Variants in MAML3 observed in about 807,000 individuals in gnomAD.
MAML3 encodes mastermind-like protein 3.
MAML3 carries 27 observed loss-of-function variants against 101.9 expected under a neutral mutation model. The ratio of observed to expected loss-of-function variants is 0.27; its 90% CI spans 0.20 to 0.37. The LOEUF (loss-of-function observed/expected upper bound fraction) is 0.37. Among genes scored for constraint, MAML3 ranks in the 10% least tolerant of loss-of-function variants. MAML3 has a pLI of 1.00. For missense variants in MAML3, 1,316 were observed against 1,444.9 expected (o/e 0.91, Z 1.45); for synonymous variants, 501 against 555.9 (o/e 0.90, Z 1.39).
At chr4:139,804,631 T>C (rs1730673616) in intron 2 of MAML3, among the ~76,000 whole-genome samples, 2 of 152,214 alleles carry the variant, frequency 1.3e-5, no homozygotes, top group Admixed American at 6.5e-5. Flanking sequence ...TAGTTGATTT[T>C]TAAGGTCTGC....
chr4:139,720,676 G>C (rs1000125134), intron 4 of MAML3, among the ~76,000 whole-genome samples: 2 of 152,212 alleles, frequency 1.3e-5, no homozygotes, highest in African/African-American at 4.8e-5. Context: ...AGATCCTGAT[G>C]TAATTCTTGT....
At chr4:139,828,712 C>CTTTT (rs996757226) in intron 2 of MAML3, among the ~76,000 whole-genome samples, 1 of 128,704 alleles carries the variant, frequency 7.8e-6, no homozygotes, top group South Asian at 2.5e-4. Context: ...AGATGCACTT[C>CTTTT]TTTTTTTTTT....
rs769896356 is a variant in MAML3, at chr4:139,890,075, G to A, written c.1361C>T (p.Pro454Leu). 2.5e-6 allele frequency: 4 copies of A among 1,612,002 alleles called. No homozygotes were observed. The highest frequency in any genetic ancestry group is 3.4e-6 in the Non-Finnish European group (4 of 1,178,956). The part of the protein sequence containing the change: ...AVTVAGSASG[P>L]VAVPSSDMSP... The stretch of plus-strand genomic sequence containing the variant: ...CATGTCAGAGCTGGGCACAGCCACA[G>A]GCCCTGACGCTGAACCGGCCACTGT... The change falls in exon 2 of 5, where the codon CCT becomes CTT. Residue 454 changes from proline to leucine, a missense_variant. By Grantham distance (98) the Pro-to-Leu change is moderately conservative. Coordinates refer to ENST00000509479, the MANE Select transcript of MAML3 (RefSeq NM_018717.5). This position sits in a 1 kb window ranked among gnomAD's most constrained non-coding sequence, Gnocchi z 4.1.
chr4:139,725,748 C>T lies in MAML3; in HGVS notation c.2416+3G>A, dbSNP rs369334983. The T allele has an allele frequency of 3.6e-5, 58 of 1,613,762 alleles. No homozygotes were observed. The highest frequency in any genetic ancestry group is 3.4e-6 in the Non-Finnish European group (4 of 1,179,818). ...AAAATGAGAGAGGTTGCACTGGCCT[C>T]ACCTTGAAACTGATTGACCTGCTGC... On this transcript the variant is annotated splice_donor_region_variant and intron_variant, in intron 4 of 4. Transcript: ENST00000509479.
intron 2 of MAML3, among the ~76,000 whole-genome samples, chr4:139,758,381 C>G (rs1187763934): frequency 6.6e-6 from 1 of 152,162 alleles, no homozygotes; most frequent in East Asian, 1.9e-4. Flanking sequence ...CTGAATATAT[C>G]TTTTAACTTT....
intron 2 of MAML3, among the ~76,000 whole-genome samples, chr4:139,814,386 G>A (rs1233991766): frequency 6.6e-6 from 1 of 152,158 alleles, no homozygotes; most frequent in Non-Finnish European, 1.5e-5. Context: ...GCTGGCTAAA[G>A]ATACTGACTA....
At chr4:139,875,223 T>A (rs1027009383) in intron 2 of MAML3, among the ~76,000 whole-genome samples, 1 of 139,944 alleles carries the variant, frequency 7.1e-6, no homozygotes, top group Non-Finnish European at 1.6e-5. Flanking sequence ...GCTTCAGAGC[T>A]GACTCCCGAC....
intron 2 of MAML3, among the ~76,000 whole-genome samples, chr4:139,776,907 A>G (rs970488912): frequency 6.6e-6 from 1 of 152,252 alleles, no homozygotes; most frequent in African/African-American, 2.4e-5. Context: ...AGGGGCACAG[A>G]GGGCAGCAAT....
At chr4:139,812,163 G>A (rs28517421) in intron 2 of MAML3, among the ~76,000 whole-genome samples, 4,044 of 152,272 alleles carry the variant, frequency 0.027, 187 homozygotes, top group African/African-American at 0.092. Context: ...GCTGAGGCAA[G>A]AAGATCACTT....
chr4:139,827,994 C>T (rs558263514), intron 2 of MAML3, among the ~76,000 whole-genome samples: 2 of 152,326 alleles, frequency 1.3e-5, no homozygotes, highest in Non-Finnish European at 1.5e-5. Flanking sequence ...AGCATCATTT[C>T]GTCTTCTGAT....
chr4:139,746,634 T>C (rs998637023), intron 2 of MAML3, among the ~76,000 whole-genome samples: 4 of 152,142 alleles, frequency 2.6e-5, no homozygotes, highest in Non-Finnish European at 4.4e-5. Flanking sequence ...CCATGGTCTT[T>C]CCCACAGTAT....
intron 1 of MAML3, among the ~76,000 whole-genome samples, chr4:139,923,100 T>C (rs1351268720): frequency 2.6e-5 from 4 of 152,208 alleles, no homozygotes; most frequent in South Asian, 2.1e-4. Flanking sequence ...ACAGGGTCTC[T>C]AGACTAGCAC....
chr4:139,921,328 G>T (rs909345200), intron 1 of MAML3, among the ~76,000 whole-genome samples: 2 of 152,076 alleles, frequency 1.3e-5, no homozygotes, highest in Non-Finnish European at 2.9e-5. Context: ...GTGAAATCTG[G>T]TCACTTTGTT....
chr4:140,058,666 C>G lies in MAML3; in HGVS notation c.468+94194G>C, dbSNP rs80230342. Among the ~76,000 whole-genome samples the G allele has an allele frequency of 8.0e-3, 1,216 of 152,038 alleles. 13 individuals carry two copies. Among genetic ancestry groups the G allele is most frequent in the African/African-American group, 0.028 (1,163 of 41,484 alleles). ...ATGTTCTCATGTTTTAACATAGTGT[C>G]TAACTCATCATGTTCTAGCTTTCTG... On this transcript the variant is annotated intron_variant, in intron 1 of 4. Coordinates refer to ENST00000509479, the MANE Select transcript of MAML3 (RefSeq NM_018717.5).
intron 1 of MAML3, among the ~76,000 whole-genome samples, chr4:140,016,895 G>C (rs1726650310): frequency 6.6e-6 from 1 of 152,184 alleles, no homozygotes; most frequent in South Asian, 2.1e-4. Flanking sequence ...TTGGGAGCTA[G>C]AGCTAGGAAA....
intron 2 of MAML3, among the ~76,000 whole-genome samples, chr4:139,788,817 T>C (rs1730353199): frequency 6.6e-6 from 1 of 152,388 alleles, no homozygotes; most frequent in East Asian, 1.9e-4. Flanking sequence ...AAGCCATTGA[T>C]AGACCATGAG....
At chr4:139,926,463 G>A (rs1220083886) in intron 1 of MAML3, among the ~76,000 whole-genome samples, 1 of 152,154 alleles carries the variant, frequency 6.6e-6, no homozygotes, top group African/African-American at 2.4e-5. Context: ...AGCTGGGCAT[G>A]GTGGCGGGAG....
At chr4:140,115,176 T>A (rs1157097987) in intron 1 of MAML3, among the ~76,000 whole-genome samples, 1 of 152,230 alleles carries the variant, frequency 6.6e-6, no homozygotes, top group East Asian at 1.9e-4. Context: ...ATTACCTTTC[T>A]ACTCAAAGAT....
At chr4:139,849,577 G>A (rs913528492) in intron 2 of MAML3, among the ~76,000 whole-genome samples, 1 of 152,154 alleles carries the variant, frequency 6.6e-6, no homozygotes, top group African/African-American at 2.4e-5. Flanking sequence ...AGCAGGAATG[G>A]GTGATGATGA....
Sources: allele counts gnomAD v4.1 joint callset (sites outside exome capture counted in the v4.1 genomes callset), GRCh38; gene constraint gnomAD v4.1.1; non-coding constraint Gnocchi (gnomAD v3.1); transcripts MANE v1.5; gene names NCBI Gene and HGNC (gene_info 2026-07-23, HGNC 2026-07-21).